The following ELFN2 variants were observed in gnomAD, a reference collection of about 807,000 sequenced individuals.
ELFN2 encodes the protein protein phosphatase 1 regulatory subunit 29.
ELFN2 carries 17 observed loss-of-function variants against 45.5 expected under a neutral mutation model. The ratio of observed to expected loss-of-function variants is 0.37; its 90% CI spans 0.26 to 0.56. The LOEUF (loss-of-function observed/expected upper bound fraction) is 0.56, where lower values mean the gene tolerates loss of function less well. Ranked by LOEUF, ELFN2 falls within the 20% of genes least tolerant of loss-of-function variation. The probability of loss-of-function intolerance (pLI) is 0.77; values close to 1 mark genes in which losing one functional copy is unlikely to be tolerated. For synonymous variants in ELFN2, 550 were observed against 551.5 expected, an observed-to-expected ratio of 1.00 and a Z score of 0.04; for missense variants, 922 against 1,183.2, an observed-to-expected ratio of 0.78 and a Z score of 3.24.
intron 2 of ELFN2, among the ~76,000 whole-genome samples, chr22:37,405,838 G>T (rs1403636803): frequency 3.5e-4 from 52 of 147,148 alleles, no homozygotes; most frequent in African/African-American, 1.3e-3. Flanking sequence ...AAAAAAGGGT[G>T]GAGGGGGGGT....
At chr22:37,411,647 T>C (rs933408202) in intron 2 of ELFN2, among the ~76,000 whole-genome samples, 6 of 152,062 alleles carry the variant, frequency 3.9e-5, no homozygotes, top group Non-Finnish European at 7.4e-5. Flanking sequence ...GCACCCTACC[T>C]CCTATGCTGG....
chr22:37,426,338 A>G (rs133720), intron 1 of ELFN2, among the ~76,000 whole-genome samples: 48,730 of 145,318 alleles, frequency 0.34, 8,815 homozygotes, highest in East Asian at 0.63. Context: ...CCGAGTGTGC[A>G]TGCACACGCG....
At chr22:37,351,943 G>A (rs113788202) in intron 1 of ELFN2, among the ~76,000 whole-genome samples, 8,285 of 150,874 alleles carry the variant, frequency 0.055, 771 homozygotes, top group African/African-American at 0.18. Context: ...TCATCTTTGC[G>A]CCTGCCTGGC....
At chr22:37,400,236 A>C (rs1242450460) in intron 2 of ELFN2, among the ~76,000 whole-genome samples, 17 of 137,542 alleles carry the variant, frequency 1.2e-4, no homozygotes, top group East Asian at 2.1e-4. Context: ...CCCCCATCCC[A>C]CCCCACTCCG....
At chr22:37,421,132 G>A (rs1932806182) in intron 1 of ELFN2, among the ~76,000 whole-genome samples, 1 of 152,102 alleles carries the variant, frequency 6.6e-6, no homozygotes, top group South Asian at 2.1e-4. Flanking sequence ...TCAATTTCTT[G>A]GCGCAGCATG....
At chr22:37,418,771 T>A (rs557888889) in intron 1 of ELFN2, 1 of 152,378 alleles carries the variant, frequency 6.6e-6, no homozygotes, top group African/African-American at 2.4e-5. Flanking sequence ...GCACACGCCT[T>A]CCCCTATGTG....
intron 2 of ELFN2, among the ~76,000 whole-genome samples, chr22:37,412,710 G>A (rs545600924): frequency 4.6e-5 from 7 of 152,302 alleles, no homozygotes; most frequent in East Asian, 1.9e-4. Context: ...GGACAACCAC[G>A]CACAAGGCCA....
chr22:37,363,019 C>A (rs1304101758), downstream of ELFN2, among the ~76,000 whole-genome samples: 1 of 152,146 alleles, frequency 6.6e-6, no homozygotes, highest in Non-Finnish European at 1.5e-5. Context: ...CAGCCCAGGG[C>A]CCCCCGAGGT....
intron 2 of ELFN2, among the ~76,000 whole-genome samples, chr22:37,397,099 G>A (rs566389554): frequency 2.0e-5 from 3 of 152,074 alleles, no homozygotes; most frequent in East Asian, 3.9e-4. Context: ...GCTTCAGCTC[G>A]GGCATCACCG....
chr22:37,367,380 C>T (rs79586666), downstream of ELFN2, among the ~76,000 whole-genome samples: 971 of 152,290 alleles, frequency 6.4e-3, 10 homozygotes, highest in African/African-American at 0.023. Context: ...CATGAAGAAC[C>T]GCAGCAGATG....
chr22:37,393,839 C>T (rs1385010278), intron 2 of ELFN2, among the ~76,000 whole-genome samples: 4 of 152,188 alleles, frequency 2.6e-5, no homozygotes, highest in Non-Finnish European at 4.4e-5. Flanking sequence ...TTTATAGGCC[C>T]GATCTCTGCC....
rs1214949428 is a variant in ELFN2 at position 37,375,629 on chromosome 22, C to T, written c.-95G>A. On this transcript the variant is annotated 5_prime_UTR_variant, in exon 3 of 3. The change creates a new upstream start codon in the 5' untranslated region. Transcript: ENST00000402918. ...AGTACAGTCCTCCCTGGGGCCGCCA[C>T]CATCTTGGGGGCGACCCCCAGCACG... is the stretch of plus-strand genomic sequence containing the variant. The T allele has an allele frequency of 1.3e-5, 18 of 1,411,848 alleles. No homozygotes were observed. The highest frequency in any genetic ancestry group is 2.5e-5 in the East Asian group (1 of 39,570). The allele number at this position is 1,411,848 out of a possible 1,614,324, so 87.5% of individuals were successfully genotyped here. A position where few individuals can be genotyped will look rare whatever the true frequency, so the allele number is the denominator to read the frequency against.
intron 2 of ELFN2, among the ~76,000 whole-genome samples, chr22:37,396,915 A>C (rs1932227870): frequency 6.6e-6 from 1 of 152,134 alleles, no homozygotes; most frequent in Non-Finnish European, 1.5e-5. Context: ...CACTATCATC[A>C]CTTGCCTATC....
intron 2 of ELFN2, among the ~76,000 whole-genome samples, chr22:37,416,911 G>A (rs552171929): frequency 4.6e-5 from 7 of 151,940 alleles, no homozygotes; most frequent in Admixed American, 2.6e-4. Flanking sequence ...GGGGACCACC[G>A]CACCTTGGAG....
chr22:37,348,310 G>A (rs911376276), intron 1 of ELFN2, among the ~76,000 whole-genome samples: 16 of 152,248 alleles, frequency 1.1e-4, no homozygotes, highest in African/African-American at 3.9e-4. Context: ...CAGAGAGCAA[G>A]AACAGGGCCT....
chr22:37,404,789 TG>T (rs1932453801), intron 2 of ELFN2, among the ~76,000 whole-genome samples: 1 of 152,142 alleles, frequency 6.6e-6, no homozygotes, highest in Non-Finnish European at 1.5e-5. Context: ...CATCTGCCTG[TG>T]TTCAAAGCCC....
chr22:37,356,972 A>G (rs1930965419), intron 1 of ELFN2, among the ~76,000 whole-genome samples: 1 of 152,108 alleles, frequency 6.6e-6, no homozygotes, highest in Admixed American at 6.5e-5. Context: ...AATAACAGAG[A>G]CTCCAGCCAG....
At chr22:37,394,880 G>A (rs1324275030) in intron 2 of ELFN2, among the ~76,000 whole-genome samples, 5 of 152,082 alleles carry the variant, frequency 3.3e-5, no homozygotes, top group Non-Finnish European at 7.4e-5. Flanking sequence ...CGAGGCGGGC[G>A]GATCACGAGG....
intron 2 of ELFN2, among the ~76,000 whole-genome samples, chr22:37,395,959 C>G (rs1036682111): frequency 3.3e-5 from 5 of 152,196 alleles, no homozygotes; most frequent in Non-Finnish European, 5.9e-5. Context: ...GCTGAGCCCC[C>G]AGATACCCGA....
Sources: gnomAD v4.1 joint callset for allele counts (sites outside exome capture counted in the v4.1 genomes callset) on GRCh38, gnomAD v4.1.1 for gene constraint, MANE v1.5 for transcripts, NCBI Gene and HGNC (gene_info 2026-07-23, HGNC 2026-07-21) for gene names.